The following CSMD3 variants were observed in gnomAD, a reference collection of about 807,000 sequenced individuals.
CSMD3 encodes CUB and sushi domain-containing protein 3.
A neutral mutation model predicts 435.2 loss-of-function variants in CSMD3; 177 were observed. That is an observed-to-expected ratio of 0.41 (90% CI 0.36 to 0.46). The LOEUF (loss-of-function observed/expected upper bound fraction) is 0.46, where lower values mean the gene tolerates loss of function less well. Ranked by LOEUF, CSMD3 falls within the 20% of genes least tolerant of loss-of-function variation. The pLI is 0.34. For missense variants in CSMD3, 4,265 were observed against 4,504.6 expected, an observed-to-expected ratio of 0.95 and a Z score of 1.52; for synonymous variants, 1,656 against 1,520.5, an observed-to-expected ratio of 1.09 and a Z score of -2.07.
chr8:112,532,407 A>T (rs925622228), intron 27 of CSMD3, among the ~76,000 whole-genome samples: 1 of 152,186 alleles, frequency 6.6e-6, no homozygotes, highest in Non-Finnish European at 1.5e-5. Context: ...ACACTATCCC[A>T]GGGCATTTAA....
intron 4 of CSMD3, among the ~76,000 whole-genome samples, chr8:113,133,988 G>A (rs2091352327): frequency 6.6e-6 from 1 of 151,966 alleles, no homozygotes. Context: ...CAATGTGAAT[G>A]TACTTAAGAG....
chr8:112,272,347 G>A (rs561687085), intron 59 of CSMD3, among the ~76,000 whole-genome samples: 1 of 151,886 alleles, frequency 6.6e-6, no homozygotes, highest in Admixed American at 6.6e-5. Flanking sequence ...TATAGTAACT[G>A]GCATACATCA....
chr8:112,233,702 G>A (rs1813302707), intron 68 of CSMD3, among the ~76,000 whole-genome samples: 1 of 152,026 alleles, frequency 6.6e-6, no homozygotes, highest in East Asian at 1.9e-4. Flanking sequence ...TACTTGAGAG[G>A]ATACAGTCAG....
At chr8:112,555,205 A>G (rs1392903431) in intron 25 of CSMD3, among the ~76,000 whole-genome samples, 1 of 152,008 alleles carries the variant, frequency 6.6e-6, no homozygotes, top group African/African-American at 2.4e-5. Flanking sequence ...TGCTGCGAAC[A>G]TAATTAAAAC....
intron 4 of CSMD3, among the ~76,000 whole-genome samples, chr8:113,126,536 G>T (rs1241479619): frequency 6.6e-6 from 1 of 151,828 alleles, no homozygotes; most frequent in Non-Finnish European, 1.5e-5. Context: ...TACCAATCTG[G>T]ATGACATTAA....
chr8:112,953,907 T>A (rs1490441842), intron 8 of CSMD3, among the ~76,000 whole-genome samples: 1 of 151,502 alleles, frequency 6.6e-6, no homozygotes, highest in Non-Finnish European at 1.5e-5. Flanking sequence ...ATATTAGCAA[T>A]GTTATTTTGG....
At chr8:113,399,832 C>A (rs971283242) in intron 1 of CSMD3, among the ~76,000 whole-genome samples, 6 of 151,764 alleles carry the variant, frequency 4.0e-5, no homozygotes, top group African/African-American at 1.5e-4. Context: ...ATACTTTAAT[C>A]TGTTTTTTTA....
chr8:112,958,171 C>T (rs534088761), intron 7 of CSMD3, among the ~76,000 whole-genome samples: 71 of 152,250 alleles, frequency 4.7e-4, no homozygotes, highest in South Asian at 1.9e-3. Context: ...GAAGCACTTT[C>T]ATTTGTAAAT....
At chr8:113,338,010 T>G (rs1371942589) in intron 1 of CSMD3, among the ~76,000 whole-genome samples, 1 of 151,858 alleles carries the variant, frequency 6.6e-6, no homozygotes, top group Non-Finnish European at 1.5e-5. Flanking sequence ...ACCCACAGAA[T>G]GGGAAAAAGT....
chr8:112,950,096 C>T (rs2083753263), intron 8 of CSMD3, among the ~76,000 whole-genome samples: 1 of 151,776 alleles, frequency 6.6e-6, no homozygotes. Context: ...AATAGTTTCA[C>T]ATACCTTTAG....
chr8:113,431,563 C>T (rs930129590), intron 1 of CSMD3, among the ~76,000 whole-genome samples: 22 of 152,150 alleles, frequency 1.4e-4, no homozygotes, highest in African/African-American at 5.3e-4. Context: ...TATTTTATAT[C>T]CTTAAGCCAT....
intron 3 of CSMD3, among the ~76,000 whole-genome samples, chr8:113,186,668 C>T (rs555455738): frequency 5.9e-5 from 9 of 152,098 alleles, no homozygotes; most frequent in Admixed American, 1.3e-4. Context: ...TGGAACTCTT[C>T]GGGGCACTGC....
At chr8:113,024,534 T>C (rs975736858) in intron 5 of CSMD3, among the ~76,000 whole-genome samples, 1 of 152,210 alleles carries the variant, frequency 6.6e-6, no homozygotes, top group African/African-American at 2.4e-5. Flanking sequence ...ACATACATAC[T>C]ATTTTTAATA....
chr8:112,716,941 A>C (rs1193830089), intron 13 of CSMD3, among the ~76,000 whole-genome samples: 2 of 152,082 alleles, frequency 1.3e-5, no homozygotes, highest in Non-Finnish European at 2.9e-5. Flanking sequence ...TGGATTAAAG[A>C]CTTAAATGTA....
chr8:113,375,002 T>A (rs2094372240), intron 1 of CSMD3, among the ~76,000 whole-genome samples: 1 of 152,072 alleles, frequency 6.6e-6, no homozygotes, highest in Admixed American at 6.5e-5. Flanking sequence ...TAAAACAACT[T>A]TTTATTTGAA....
chr8:112,236,909 T>C (rs774170229), intron 67 of CSMD3, among the ~76,000 whole-genome samples: 1 of 152,152 alleles, frequency 6.6e-6, no homozygotes. Context: ...GTTGTATTCA[T>C]ACCTAAATTA....
chr8:113,204,347 C>G (rs1043614327), intron 3 of CSMD3, among the ~76,000 whole-genome samples: 1 of 152,026 alleles, frequency 6.6e-6, no homozygotes, highest in African/African-American at 2.4e-5. Context: ...TTGGCTCTTA[C>G]CCCAGGTACT....
intron 5 of CSMD3, among the ~76,000 whole-genome samples, chr8:113,052,388 G>T (rs1056490519): frequency 6.6e-6 from 1 of 152,156 alleles, no homozygotes; most frequent in Admixed American, 6.5e-5. Context: ...GTAAGTAAAG[G>T]ATACATTCAA....
intron 11 of CSMD3, among the ~76,000 whole-genome samples, chr8:112,836,357 G>C (rs981784416): frequency 6.6e-6 from 1 of 151,724 alleles, no homozygotes; most frequent in Admixed American, 6.6e-5. Flanking sequence ...CTTCTCAACA[G>C]GACATATATT....
Sources: allele counts gnomAD v4.1 joint callset (sites outside exome capture counted in the v4.1 genomes callset), GRCh38; gene constraint gnomAD v4.1.1; transcripts MANE v1.5; gene names NCBI Gene and HGNC (gene_info 2026-07-23, HGNC 2026-07-21).